FREM1: variants seen among roughly 807,000 people sequenced by gnomAD.
FREM1 encodes FRAS1-related extracellular matrix protein 1.
FREM1 carries 220 observed loss-of-function variants against 210.1 expected under a neutral mutation model. The observed-to-expected ratio is 1.05, with a 90% confidence interval of 0.94 to 1.17. The LOEUF (loss-of-function observed/expected upper bound fraction) is 1.17. Among genes scored for constraint, FREM1 ranks in the 50% most tolerant of loss-of-function variants. The pLI is 0.00. For synonymous variants in FREM1, 1,189 were observed against 980.2 expected, an observed-to-expected ratio of 1.21 and a Z score of -3.98; for missense variants, 3,454 against 2,675.5, an observed-to-expected ratio of 1.29 and a Z score of -6.42.
intron 10 of FREM1, among the ~76,000 whole-genome samples, chr9:14,837,015 AC>A (rs2131099030): frequency 6.6e-6 from 1 of 152,322 alleles, no homozygotes; most frequent in East Asian, 1.9e-4. Flanking sequence ...CAGGTGGGCA[AC>A]CTTTGATATG....
chr9:14,792,202 A>T (rs1401303782), intron 22 of FREM1, among the ~76,000 whole-genome samples: 3 of 151,978 alleles, frequency 2.0e-5, no homozygotes, highest in African/African-American at 7.3e-5. Context: ...TCATGAAAAA[A>T]TAATGAAAGT....
chr9:14,900,738 G>A (rs1268422047), intron 1 of FREM1, among the ~76,000 whole-genome samples: 1 of 152,210 alleles, frequency 6.6e-6, no homozygotes, highest in Non-Finnish European at 1.5e-5. Context: ...CCAGTCCCAT[G>A]TGTGAGATGT....
chr9:14,755,966 G>T lies in FREM1; in HGVS notation c.5407+408C>A, dbSNP rs374116025. ...TCCTAATATCAACCTATTCCATGAG[G>T]GATCATTTAGAAATGCCCTTTAGGA... On this transcript the variant is annotated intron_variant, in intron 29 of 36. Transcript: ENST00000380880. 7.9e-5 allele frequency among the ~76,000 whole-genome samples: 12 copies of T among 152,086 alleles called. No individual in the cohort carries two copies. In the East Asian group the frequency reaches 2.3e-3, roughly 29 times the overall value.
intron 18 of FREM1, among the ~76,000 whole-genome samples, chr9:14,805,490 C>G (rs1048048968): frequency 6.6e-6 from 1 of 152,214 alleles, no homozygotes; most frequent in Admixed American, 6.5e-5. Context: ...CATGAATAGT[C>G]TCTGTCACAC....
At chr9:14,902,575 G>A (rs943927877) in intron 1 of FREM1, among the ~76,000 whole-genome samples, 12 of 152,130 alleles carry the variant, frequency 7.9e-5, no homozygotes, top group African/African-American at 2.7e-4. Context: ...GTGATGGTGA[G>A]GCCACATAGT....
At chr9:14,800,758 G>A (rs1221567977) in intron 20 of FREM1, among the ~76,000 whole-genome samples, 1 of 151,986 alleles carries the variant, frequency 6.6e-6, no homozygotes, top group Admixed American at 6.6e-5. Flanking sequence ...CTCTACCTAG[G>A]GCTTCCTGTC....
At chr9:14,874,732 C>G (rs1181321501) in intron 1 of FREM1, among the ~76,000 whole-genome samples, 3 of 152,146 alleles carry the variant, frequency 2.0e-5, no homozygotes, top group Non-Finnish European at 4.4e-5. Context: ...GGTTATTTTG[C>G]TCATTAGTTG....
At position 14,907,943 on chromosome 9, in the gene FREM1, A is replaced by T. The variant is rs189346027; in HGVS notation, c.-268+1971T>A. 7.7e-4 allele frequency among the ~76,000 whole-genome samples: 118 copies of T among 152,262 alleles called. 1 individual carries two copies. The highest frequency in any genetic ancestry group is 2.2e-3 in the Admixed American group (33 of 15,296). On this transcript the variant is annotated intron_variant, in intron 1 of 36. Coordinates refer to ENST00000380880, the MANE Select transcript of FREM1 (RefSeq NM_001379081.2). ...TTCCAAGGCTGGTTAGCAACAACTA[A>T]GATTTGAAACACCATGAGGACAAGG... is the stretch of plus-strand genomic sequence containing the variant.
chr9:14,807,467 G>A (rs1161866742), intron 17 of FREM1, among the ~76,000 whole-genome samples: 1 of 152,010 alleles, frequency 6.6e-6, no homozygotes, highest in Non-Finnish European at 1.5e-5. Flanking sequence ...TATACATAAT[G>A]CCTATGAAAA....
intron 15 of FREM1, among the ~76,000 whole-genome samples, chr9:14,813,891 C>A (rs1819838584): frequency 6.6e-6 from 1 of 152,138 alleles, no homozygotes; most frequent in Non-Finnish European, 1.5e-5. Flanking sequence ...CCAAAGTGAT[C>A]TTTTTAACGT....
At chr9:14,902,216 C>G (rs1838911302) in intron 1 of FREM1, among the ~76,000 whole-genome samples, 1 of 152,168 alleles carries the variant, frequency 6.6e-6, no homozygotes, top group African/African-American at 2.4e-5. Flanking sequence ...GTCTTAATGC[C>G]AGATCTCTCT....
intron 5 of FREM1, among the ~76,000 whole-genome samples, chr9:14,856,835 CAAAAA>C (rs754857691): frequency 1.3e-5 from 1 of 78,090 alleles, no homozygotes; most frequent in Non-Finnish European, 2.7e-5. Context: ...GACTCCGTCT[CAAAAA>C]AAAAAAAAAA....
chr9:14,873,196 G>A (rs1390051673), intron 1 of FREM1, among the ~76,000 whole-genome samples: 1 of 152,062 alleles, frequency 6.6e-6, no homozygotes, highest in Non-Finnish European at 1.5e-5. Context: ...AATGAGTTAG[G>A]GAGGATTCCC....
At chr9:14,773,982 G>T (rs1382639155) in intron 25 of FREM1, 2 of 455,084 alleles carry the variant, frequency 4.4e-6, no homozygotes, top group African/African-American at 4.1e-5. Context: ...GACACTAACA[G>T]ACTGAAAAGG....
intron 24 of FREM1, chr9:14,779,369 T>C: frequency 2.8e-6 from 1 of 358,326 alleles, no homozygotes; most frequent in Non-Finnish European, 3.9e-6. Flanking sequence ...ATAGACATTG[T>C]GCACTATTAA....
chr9:14,767,698 C>CAATAGGAAA (rs762017029), intron 27 of FREM1, among the ~76,000 whole-genome samples: 21 of 152,094 alleles, frequency 1.4e-4, no homozygotes, highest in Non-Finnish European at 2.5e-4. Context: ...CACCTAGTTC[C>CAATAGGAAA]AATAACATCT....
intron 8 of FREM1, 83 bp from the exon 9 acceptor site, chr9:14,842,743 G>C: frequency 1.0e-6 from 1 of 953,066 alleles, no homozygotes; most frequent in Non-Finnish European, 1.6e-6. Flanking sequence ...ATACAGTAGA[G>C]GCTGCTAAGG....
At chr9:14,814,039 C>A (rs1819872924) in intron 15 of FREM1, among the ~76,000 whole-genome samples, 1 of 152,156 alleles carries the variant, frequency 6.6e-6, no homozygotes, top group Non-Finnish European at 1.5e-5. Flanking sequence ...CATTCCCCAC[C>A]ATCACAGGGT....
chr9:14,789,392 G>A (rs1850923885), intron 22 of FREM1, among the ~76,000 whole-genome samples: 1 of 152,188 alleles, frequency 6.6e-6, no homozygotes, highest in South Asian at 2.1e-4. Flanking sequence ...TTCCTCATAA[G>A]CAACCATAGC....
Sources: gnomAD v4.1 joint callset for allele counts (sites outside exome capture counted in the v4.1 genomes callset) on GRCh38, gnomAD v4.1.1 for gene constraint, MANE v1.5 for transcripts, NCBI Gene and HGNC (gene_info 2026-07-23, HGNC 2026-07-21) for gene names.